The following SIL1 variants were observed in gnomAD, a reference collection of about 807,000 sequenced individuals.
SIL1 encodes the protein nucleotide exchange factor SIL1.
A neutral mutation model predicts 49.1 loss-of-function variants in SIL1; 40 were observed. The observed-to-expected ratio is 0.81, with a 90% CI of 0.63 to 1.06. The LOEUF is 1.06. Among genes scored for constraint, SIL1 ranks in the 50% least tolerant of loss-of-function variants. SIL1 has a pLI of 0.00. For missense variants in SIL1, 500 were observed against 572.6 expected (o/e 0.87, Z 1.29); for synonymous variants, 253 against 250.8 (o/e 1.01, Z -0.08).
At chr5:139,153,978 T>C (rs1489866991) in intron 1 of SIL1, among the ~76,000 whole-genome samples, 1 of 152,184 alleles carries the variant, frequency 6.6e-6, no homozygotes, top group African/African-American at 2.4e-5. Context: ...GGGCTCCCAT[T>C]CTGTTCCAGG....
intron 3 of SIL1, among the ~76,000 whole-genome samples, chr5:139,100,311 A>T (rs1770558475): frequency 6.6e-6 from 1 of 152,230 alleles, no homozygotes; most frequent in Non-Finnish European, 1.5e-5. Flanking sequence ...GTAGAAGAAC[A>T]TTCTAGGTCC....
intron 1 of SIL1, among the ~76,000 whole-genome samples, chr5:139,186,006 C>G (rs1014086196): frequency 1.3e-4 from 20 of 152,244 alleles, no homozygotes; most frequent in African/African-American, 4.8e-4. Flanking sequence ...ACCCAGAGCT[C>G]TTTCTCAGAG....
intron 3 of SIL1, among the ~76,000 whole-genome samples, chr5:139,057,971 A>G (rs1026465309): frequency 6.6e-6 from 1 of 152,178 alleles, no homozygotes; most frequent in African/African-American, 2.4e-5. Context: ...ATCACCTCCT[A>G]AAGGCCCCAC....
At chr5:139,151,056 A>C (rs1751289571) in intron 1 of SIL1, among the ~76,000 whole-genome samples, 1 of 152,188 alleles carries the variant, frequency 6.6e-6, no homozygotes, top group Non-Finnish European at 1.5e-5. Flanking sequence ...AATACCTTGA[A>C]CATTTTCCAA....
intron 7 of SIL1, among the ~76,000 whole-genome samples, chr5:138,967,721 A>G (rs1767175259): frequency 6.6e-6 from 1 of 152,224 alleles, no homozygotes; most frequent in South Asian, 2.1e-4. Context: ...TGTGGATATC[A>G]ATGCCACATG....
At chr5:139,044,914 T>C (rs1308006006) in intron 4 of SIL1, among the ~76,000 whole-genome samples, 2 of 152,216 alleles carry the variant, frequency 1.3e-5, no homozygotes, top group Non-Finnish European at 2.9e-5. Context: ...TATTGCCATT[T>C]ACTGTAATCT....
chr5:139,176,812 C>G (rs1166599049), intron 1 of SIL1, among the ~76,000 whole-genome samples: 2 of 151,876 alleles, frequency 1.3e-5, no homozygotes, highest in Non-Finnish European at 2.9e-5. Context: ...AGGGGACACA[C>G]ATTCAGACCA....
rs1485115041 is a variant in SIL1, at chr5:139,171,097, C to T, written c.-11+27172G>A. Among the ~76,000 whole-genome samples the T allele has an allele frequency of 4.0e-5, 6 of 150,204 alleles. 1 individual carries two copies. The highest frequency in any genetic ancestry group is 9.8e-5 in the African/African-American group (4 of 40,858). On this transcript the variant is annotated intron_variant, in intron 1 of 9. Coordinates refer to ENST00000394817, the MANE Select transcript of SIL1 (RefSeq NM_022464.5). ...GAGGTGGGGGGGTCAGCCCCCTGCCCGGCCAGCCGCCCCGTCCGGGAGGTG... is the reference window on the plus strand; with the variant it reads ...GAGGTGGGGGGGTCAGCCCCCTGCCTGGCCAGCCGCCCCGTCCGGGAGGTG...
intron 7 of SIL1, among the ~76,000 whole-genome samples, chr5:138,973,881 G>A (rs763984262): frequency 5.9e-5 from 9 of 152,048 alleles, no homozygotes; most frequent in Admixed American, 2.0e-4. Flanking sequence ...CATCACGCCC[G>A]GCCCAGATTT....
At chr5:139,129,014 G>A (rs1037322928) in intron 1 of SIL1, among the ~76,000 whole-genome samples, 1 of 152,198 alleles carries the variant, frequency 6.6e-6, no homozygotes, top group Non-Finnish European at 1.5e-5. Flanking sequence ...GGGTGTGGTG[G>A]CACATGCCTG....
chr5:139,162,182 G>A (rs1006300265), intron 1 of SIL1, among the ~76,000 whole-genome samples: 5 of 152,104 alleles, frequency 3.3e-5, no homozygotes, highest in African/African-American at 1.2e-4. Flanking sequence ...AGAAAGAGAA[G>A]CACTATCCCC....
chr5:139,191,192 C>T (rs534116688), intron 1 of SIL1, among the ~76,000 whole-genome samples: 1 of 138,874 alleles, frequency 7.2e-6, no homozygotes, highest in African/African-American at 2.7e-5. Flanking sequence ...AGATCACACT[C>T]ACACCTGGGT....
chr5:139,093,107 A>G (rs1770378830), intron 3 of SIL1, among the ~76,000 whole-genome samples: 1 of 152,186 alleles, frequency 6.6e-6, no homozygotes, highest in Non-Finnish European at 1.5e-5. Flanking sequence ...CCCAGGCAAC[A>G]TAGCAACACT....
intron 1 of SIL1, 79 bp from the exon 2 acceptor site, chr5:139,127,932 T>A (rs1409561742): frequency 1.0e-5 from 9 of 857,382 alleles, no homozygotes; most frequent in Non-Finnish European, 1.5e-5. Context: ...TCCCATGTCG[T>A]CACTTGCTCA....
At chr5:139,172,010 G>A (rs993863169) in intron 1 of SIL1, among the ~76,000 whole-genome samples, 1 of 152,124 alleles carries the variant, frequency 6.6e-6, no homozygotes, top group Non-Finnish European at 1.5e-5. Context: ...GCAAGCAAAA[G>A]AAATAATCTG....
chr5:139,044,386 C>A (rs1769107083), intron 4 of SIL1, among the ~76,000 whole-genome samples: 1 of 152,140 alleles, frequency 6.6e-6, no homozygotes, highest in South Asian at 2.1e-4. Context: ...TCCCATTATT[C>A]CGTGCATCTC....
intron 3 of SIL1, among the ~76,000 whole-genome samples, chr5:139,113,404 T>G (rs1303560597): frequency 6.6e-6 from 1 of 151,978 alleles, no homozygotes; most frequent in East Asian, 1.9e-4. Flanking sequence ...TCTCCCTCAC[T>G]GGCCCCCACC....
At chr5:139,187,224 A>C (rs1451265975) in intron 1 of SIL1, among the ~76,000 whole-genome samples, 1 of 152,212 alleles carries the variant, frequency 6.6e-6, no homozygotes, top group Admixed American at 6.5e-5. Flanking sequence ...TCTGCAGCAT[A>C]AAGTAGGGAA....
chr5:139,011,427 G>A (rs569230861), intron 7 of SIL1, among the ~76,000 whole-genome samples: 7 of 152,208 alleles, frequency 4.6e-5, no homozygotes, highest in Non-Finnish European at 8.8e-5. Flanking sequence ...CATCTTCTGC[G>A]TCGGTCACGC....
Sources: allele counts gnomAD v4.1 joint callset (sites outside exome capture counted in the v4.1 genomes callset), GRCh38; gene constraint gnomAD v4.1.1; transcripts MANE v1.5; gene names NCBI Gene and HGNC (gene_info 2026-07-23, HGNC 2026-07-21).